RBM19: variants seen among roughly 807,000 people sequenced by gnomAD.
RBM19 encodes the protein probable RNA-binding protein 19.
In RBM19, 94 loss-of-function variants were observed where a neutral mutation model predicts 116.8. The ratio of observed to expected loss-of-function variants is 0.80; its 90% confidence interval spans 0.68 to 0.95. The LOEUF is 0.95. Among genes scored for constraint, RBM19 ranks in the 40% least tolerant of loss-of-function variants. RBM19 has a pLI of 0.00. For synonymous variants in RBM19, 475 were observed against 494.1 expected (o/e 0.96, Z 0.51); for missense variants, 1,161 against 1,220.7 (o/e 0.95, Z 0.73).
At chr12:113,888,848 T>C (rs1880734669) in intron 21 of RBM19, among the ~76,000 whole-genome samples, 1 of 152,238 alleles carries the variant, frequency 6.6e-6, no homozygotes, top group African/African-American at 2.4e-5. Context: ...GAACTTAGCT[T>C]GGCGTTTGGC....
chr12:113,847,609 C>T (rs772994726), intron 22 of RBM19, among the ~76,000 whole-genome samples: 11 of 151,444 alleles, frequency 7.3e-5, no homozygotes, highest in African/African-American at 1.2e-4. Flanking sequence ...GCTGTGGTCC[C>T]GGGGACACGG....
intron 21 of RBM19, among the ~76,000 whole-genome samples, chr12:113,910,839 C>T (rs138089134): frequency 2.6e-4 from 40 of 152,328 alleles, no homozygotes; most frequent in African/African-American, 8.9e-4. Flanking sequence ...CTCCACCAAA[C>T]GCTTGAGCTC....
intron 8 of RBM19, among the ~76,000 whole-genome samples, chr12:113,951,923 T>C (rs1871503921): frequency 6.6e-6 from 1 of 152,168 alleles, no homozygotes; most frequent in Admixed American, 6.5e-5. Context: ...TCAGTGTGGT[T>C]CTCTTGAGAA....
chr12:113,881,023 C>T (rs563151874), intron 21 of RBM19, among the ~76,000 whole-genome samples: 4 of 152,340 alleles, frequency 2.6e-5, no homozygotes, highest in African/African-American at 7.2e-5. Context: ...TCAGTACCCA[C>T]ATCACATCCT....
intron 21 of RBM19, among the ~76,000 whole-genome samples, chr12:113,902,713 T>C (rs1205411257): frequency 6.6e-6 from 1 of 152,208 alleles, no homozygotes; most frequent in African/African-American, 2.4e-5. Flanking sequence ...CCACGTTGTT[T>C]TGTGAATCAA....
chr12:113,882,631 G>C (rs1237026615), intron 21 of RBM19, among the ~76,000 whole-genome samples: 1 of 152,234 alleles, frequency 6.6e-6, no homozygotes, highest in African/African-American at 2.4e-5. Context: ...CGGGGGGAGG[G>C]AGAAGACTGA....
chr12:113,944,770 C>A (rs972680080), intron 13 of RBM19, among the ~76,000 whole-genome samples: 1 of 151,708 alleles, frequency 6.6e-6, no homozygotes, highest in African/African-American at 2.4e-5. Flanking sequence ...TCACTGCACT[C>A]CAGCCTGGGT....
intron 21 of RBM19, among the ~76,000 whole-genome samples, chr12:113,876,219 A>G (rs947849943): frequency 4.6e-5 from 7 of 152,224 alleles, no homozygotes; most frequent in Non-Finnish European, 1.0e-4. Context: ...CCGCAACTGC[A>G]GGGCAGAATC....
At chr12:113,904,316 A>G (rs1881903399) in intron 21 of RBM19, among the ~76,000 whole-genome samples, 1 of 152,206 alleles carries the variant, frequency 6.6e-6, no homozygotes, top group Non-Finnish European at 1.5e-5. Context: ...GAATGGGCAC[A>G]TGAAAGAGTT....
intron 21 of RBM19, among the ~76,000 whole-genome samples, chr12:113,881,229 C>T (rs1416285010): frequency 6.6e-6 from 1 of 152,186 alleles, no homozygotes; most frequent in African/African-American, 2.4e-5. Context: ...CAGACAGGTA[C>T]AGTTGCCATG....
intron 21 of RBM19, among the ~76,000 whole-genome samples, chr12:113,861,230 G>T (rs12422921): frequency 0.044 from 6,693 of 152,238 alleles, 365 homozygotes; most frequent in Admixed American, 0.15. Context: ...CTTTCTTCCC[G>T]AGTCTCGGCC....
chr12:113,849,312 T>C (rs1469008747), intron 22 of RBM19, among the ~76,000 whole-genome samples: 1 of 152,238 alleles, frequency 6.6e-6, no homozygotes, highest in Non-Finnish European at 1.5e-5. Flanking sequence ...TCAGTCAATG[T>C]TCACAAAGCA....
intron 21 of RBM19, among the ~76,000 whole-genome samples, chr12:113,913,624 G>T (rs995054019): frequency 3.3e-5 from 5 of 152,216 alleles, no homozygotes; most frequent in Non-Finnish European, 7.3e-5. Flanking sequence ...ACTACAGAGT[G>T]AGAGCAAAGA....
intron 21 of RBM19, among the ~76,000 whole-genome samples, chr12:113,867,455 G>T (rs1878902911): frequency 6.6e-6 from 1 of 152,142 alleles, no homozygotes; most frequent in Non-Finnish European, 1.5e-5. Flanking sequence ...GGCCTCCAGG[G>T]GGCGTGGATT....
chr12:113,849,739 C>T (rs570112558), intron 22 of RBM19, among the ~76,000 whole-genome samples: 9 of 152,314 alleles, frequency 5.9e-5, no homozygotes, highest in African/African-American at 1.4e-4. Context: ...TCCAGCAAAA[C>T]GAACGTCACA....
At chr12:113,851,816 G>A (rs371876451) in intron 22 of RBM19, among the ~76,000 whole-genome samples, 2 of 151,444 alleles carry the variant, frequency 1.3e-5, no homozygotes, top group South Asian at 4.2e-4. Context: ...TTGGGAAGCC[G>A]AGGCGGTGGG....
intron 19 of RBM19, among the ~76,000 whole-genome samples, chr12:113,918,739 C>T (rs929858230): frequency 2.0e-5 from 3 of 152,214 alleles, no homozygotes; most frequent in African/African-American, 7.2e-5. Flanking sequence ...TGTTTATAAG[C>T]ATGTTCAGGC....
intron 23 of RBM19, among the ~76,000 whole-genome samples, chr12:113,841,913 C>T (rs549954908): frequency 6.6e-5 from 10 of 152,170 alleles, no homozygotes; most frequent in African/African-American, 2.2e-4. Flanking sequence ...GAGGATGGCC[C>T]CCTGATGCAC....
intron 16 of RBM19, among the ~76,000 whole-genome samples, chr12:113,936,509 A>G (rs973632966): frequency 3.9e-5 from 6 of 152,258 alleles, no homozygotes; most frequent in African/African-American, 1.4e-4. Context: ...CCAGTCCCAA[A>G]GCCCAATGAT....
Sources: gnomAD v4.1 joint callset for allele counts (sites outside exome capture counted in the v4.1 genomes callset) on GRCh38, gnomAD v4.1.1 for gene constraint, MANE v1.5 for transcripts, NCBI Gene and HGNC (gene_info 2026-07-23, HGNC 2026-07-21) for gene names.